CCDC91: variants seen among roughly 807,000 people sequenced by gnomAD.
CCDC91 encodes the protein coiled-coil domain containing 91.
Under a neutral mutation model 63.2 loss-of-function variants are expected in CCDC91, and 48 were observed. The observed-to-expected ratio is 0.76, with a 90% confidence interval of 0.60 to 0.97. The LOEUF (loss-of-function observed/expected upper bound fraction) is 0.97. Among genes scored for constraint, CCDC91 ranks in the 50% least tolerant of loss-of-function variants. The pLI is 0.00. For synonymous variants in CCDC91, 167 were observed against 165.8 expected, an observed-to-expected ratio of 1.01 and a Z score of -0.06; for missense variants, 500 against 494.6, an observed-to-expected ratio of 1.01 and a Z score of -0.10.
chr12:28,215,900 C>G (rs931622352), intron 1 of CCDC91, among the ~76,000 whole-genome samples: 2 of 151,860 alleles, frequency 1.3e-5, no homozygotes, highest in Non-Finnish European at 2.9e-5. Context: ...GCCCGTTTTC[C>G]CTGTTGAGGG....
chr12:28,378,848 A>G (rs1474015621), intron 7 of CCDC91, among the ~76,000 whole-genome samples: 3 of 152,048 alleles, frequency 2.0e-5, no homozygotes, highest in Admixed American at 1.3e-4. Flanking sequence ...CCTCCCACCA[A>G]CTTAACCTCA....
chr12:28,195,370 A>G (rs1941680800), intron 1 of CCDC91, among the ~76,000 whole-genome samples: 1 of 152,156 alleles, frequency 6.6e-6, no homozygotes, highest in Non-Finnish European at 1.5e-5. Flanking sequence ...TGCATTTACA[A>G]TCCTTTAGCT....
At chr12:28,200,892 C>G (rs1399781684) in intron 1 of CCDC91, among the ~76,000 whole-genome samples, 1 of 150,992 alleles carries the variant, frequency 6.6e-6, no homozygotes, top group African/African-American at 2.4e-5. Flanking sequence ...GGGCGGCTGG[C>G]CGGGCGGGGG....
intron 1 of CCDC91, among the ~76,000 whole-genome samples, chr12:28,196,889 G>A (rs2121330832): frequency 6.6e-6 from 1 of 152,104 alleles, no homozygotes; most frequent in South Asian, 2.1e-4. Flanking sequence ...GAATCACATT[G>A]GGAGTACTTG....
At chr12:28,233,196 C>T (rs527992987) in intron 1 of CCDC91, among the ~76,000 whole-genome samples, 3 of 152,112 alleles carry the variant, frequency 2.0e-5, no homozygotes, top group South Asian at 4.2e-4. Flanking sequence ...ACAAACATTT[C>T]GATCTCCTCA....
At chr12:28,274,139 T>A (rs1262701340) in intron 3 of CCDC91, among the ~76,000 whole-genome samples, 1 of 152,190 alleles carries the variant, frequency 6.6e-6, no homozygotes, top group East Asian at 1.9e-4. Flanking sequence ...TTGTCAAAGA[T>A]CGGATAGTTG....
At chr12:28,291,563 G>A (rs1949251046) in intron 3 of CCDC91, among the ~76,000 whole-genome samples, 1 of 152,176 alleles carries the variant, frequency 6.6e-6, no homozygotes, top group African/African-American at 2.4e-5. Context: ...TGAACTTTTT[G>A]TGGTGCAAGT....
At chr12:28,398,737 T>C (rs1946440657) in intron 8 of CCDC91, among the ~76,000 whole-genome samples, 1 of 152,242 alleles carries the variant, frequency 6.6e-6, no homozygotes, top group Non-Finnish European at 1.5e-5. Flanking sequence ...TTCATCTCAT[T>C]GCACTTATTT....
chr12:28,431,457 G>A (rs1948621590), intron 8 of CCDC91, among the ~76,000 whole-genome samples: 1 of 152,014 alleles, frequency 6.6e-6, no homozygotes, highest in Admixed American at 6.6e-5. Flanking sequence ...ATTTTGTAGT[G>A]ATGTCTACTT....
chr12:28,352,966 A>G (rs1943279633), intron 6 of CCDC91, among the ~76,000 whole-genome samples: 2 of 152,220 alleles, frequency 1.3e-5, no homozygotes, highest in Admixed American at 6.5e-5. Context: ...CCTGCGTGTC[A>G]TCTTCCAAGA....
chr12:28,451,654 T>G (rs1197707870), intron 10 of CCDC91, among the ~76,000 whole-genome samples: 1 of 151,668 alleles, frequency 6.6e-6, no homozygotes, highest in Non-Finnish European at 1.5e-5. Context: ...ATTTTTCACA[T>G]AAAAATGTTA....
intron 7 of CCDC91, among the ~76,000 whole-genome samples, chr12:28,386,820 A>G (rs1211684964): frequency 6.6e-6 from 1 of 152,210 alleles, no homozygotes; most frequent in South Asian, 2.1e-4. Flanking sequence ...ATTCTTTTAT[A>G]TATAGAATAT....
intron 1 of CCDC91, among the ~76,000 whole-genome samples, chr12:28,195,992 A>C (rs61920244): frequency 0.26 from 39,676 of 151,954 alleles, 5,448 homozygotes; most frequent in Non-Finnish European, 0.31. Flanking sequence ...GTAGTCCCTG[A>C]TACTTGGAAG....
At chr12:28,343,157 G>T (rs1942559739) in intron 6 of CCDC91, among the ~76,000 whole-genome samples, 1 of 149,770 alleles carries the variant, frequency 6.7e-6, no homozygotes, top group Non-Finnish European at 1.5e-5. Flanking sequence ...GAAATAGAGT[G>T]AGAGCAGGAG....
intron 7 of CCDC91, among the ~76,000 whole-genome samples, chr12:28,373,951 T>G (rs1944785076): frequency 6.6e-6 from 1 of 152,180 alleles, no homozygotes; most frequent in Non-Finnish European, 1.5e-5. Flanking sequence ...GCCCTTCACC[T>G]TCTGCCATGA....
intron 1 of CCDC91, among the ~76,000 whole-genome samples, chr12:28,197,318 T>C (rs1429132253): frequency 6.6e-6 from 1 of 152,156 alleles, no homozygotes; most frequent in African/African-American, 2.4e-5. Flanking sequence ...TCTGTAATCA[T>C]TAAATAACTT....
At chr12:28,278,819 C>G (rs1288917621) in intron 3 of CCDC91, among the ~76,000 whole-genome samples, 1 of 151,992 alleles carries the variant, frequency 6.6e-6, no homozygotes, top group Non-Finnish European at 1.5e-5. Context: ...GCTATGTAAC[C>G]TTGGTCAACT....
intron 3 of CCDC91, among the ~76,000 whole-genome samples, chr12:28,269,265 T>G (rs1187075502): frequency 5.3e-5 from 8 of 152,158 alleles, no homozygotes; most frequent in African/African-American, 1.7e-4. Context: ...TCTGTATTTG[T>G]GGTACTTCCT....
intron 1 of CCDC91, among the ~76,000 whole-genome samples, chr12:28,231,606 T>C (rs954230129): frequency 3.3e-5 from 5 of 152,194 alleles, no homozygotes; most frequent in African/African-American, 1.2e-4. Flanking sequence ...AAAGACTTTA[T>C]AATTGGGTAA....
Sources: allele counts gnomAD v4.1 joint callset (sites outside exome capture counted in the v4.1 genomes callset), GRCh38; gene constraint gnomAD v4.1.1; transcripts MANE v1.5; gene names NCBI Gene and HGNC (gene_info 2026-07-23, HGNC 2026-07-21).